RAB31: variants seen among roughly 807,000 people sequenced by gnomAD.
RAB31 encodes the protein RAB31, member RAS oncogene family, also known as ras-related protein Rab-31.
RAB31 carries 21 observed loss-of-function variants against 25.6 expected under a neutral mutation model. That is an observed-to-expected ratio of 0.82 (90% CI 0.58 to 1.18). RAB31 has a LOEUF of 1.18. Among genes scored for constraint, RAB31 ranks in the 50% most tolerant of loss-of-function variants. The probability of loss-of-function intolerance (pLI) is 0.00; values close to 1 mark genes in which losing one functional copy is unlikely to be tolerated. For synonymous variants in RAB31, 87 were observed against 84.0 expected, an observed-to-expected ratio of 1.04 and a Z score of -0.20; for missense variants, 196 against 250.1, an observed-to-expected ratio of 0.78 and a Z score of 1.46.
At chr18:9,810,447 T>A (rs1307784011) in intron 3 of RAB31, among the ~76,000 whole-genome samples, 1 of 152,234 alleles carries the variant, frequency 6.6e-6, no homozygotes, top group Non-Finnish European at 1.5e-5. Context: ...AAGTGATTTA[T>A]CTTTTTGTCC....
rs1242954701 is a variant in RAB31 at position 9,708,639 on chromosome 18, C to T, written c.39+195C>T. 6.6e-6 allele frequency among the ~76,000 whole-genome samples: 1 copy of T among 151,646 alleles called. No individual in the cohort carries two copies. Among genetic ancestry groups the T allele is most frequent in the Non-Finnish European group, 1.5e-5 (1 of 67,844 alleles). ...TCCCCTAGTCCGTGCGCCCCTCGCT[C>T]TCCGCGCCCCTCGCTCTCCGCACCC... On this transcript the variant is annotated intron_variant, in intron 1 of 6. Transcript: ENST00000578921. The surrounding 1 kb of genome is among the most constrained non-coding windows in gnomAD (Gnocchi z 6.4).
At chr18:9,712,891 G>T (rs1360168568) in intron 1 of RAB31, among the ~76,000 whole-genome samples, 1 of 152,192 alleles carries the variant, frequency 6.6e-6, no homozygotes, top group Admixed American at 6.5e-5. Flanking sequence ...CCTGCTTCTG[G>T]TAAGGAGCTT....
At chr18:9,841,741 C>A (rs966370961) in intron 5 of RAB31, among the ~76,000 whole-genome samples, 1 of 151,942 alleles carries the variant, frequency 6.6e-6, no homozygotes, top group Admixed American at 6.6e-5. Flanking sequence ...GGGGGACAGG[C>A]AGAGGGAGGG....
At chr18:9,794,991 A>G (rs2068479925) in intron 3 of RAB31, among the ~76,000 whole-genome samples, 1 of 152,218 alleles carries the variant, frequency 6.6e-6, no homozygotes, top group African/African-American at 2.4e-5. Flanking sequence ...ACCTCAAACT[A>G]TACTATAAGG....
At chr18:9,749,952 T>C (rs955991036) in intron 1 of RAB31, among the ~76,000 whole-genome samples, 8 of 152,166 alleles carry the variant, frequency 5.3e-5, no homozygotes, top group Non-Finnish European at 1.2e-4. Flanking sequence ...GTGACCTCCG[T>C]CCAGTGGGCC....
chr18:9,724,187 C>T (rs917612178), intron 1 of RAB31, among the ~76,000 whole-genome samples: 15 of 131,982 alleles, frequency 1.1e-4, no homozygotes, highest in East Asian at 2.3e-4. Flanking sequence ...AGGAGAATGG[C>T]GTGAACCCGG....
intron 2 of RAB31, among the ~76,000 whole-genome samples, chr18:9,790,194 T>A (rs1417344438): frequency 6.6e-6 from 1 of 152,148 alleles, no homozygotes; most frequent in African/African-American, 2.4e-5. Context: ...AGTGTGAATT[T>A]AAAATTTTAA....
intron 1 of RAB31, among the ~76,000 whole-genome samples, 193 bp from the exon 2 acceptor site, chr18:9,775,085 T>TG (rs2068364904): frequency 6.6e-6 from 1 of 152,224 alleles, no homozygotes; most frequent in African/African-American, 2.4e-5. Context: ...CTTTTCTTTC[T>TG]GTGAAAGCAA....
chr18:9,770,730 C>T (rs2068340288), intron 1 of RAB31, among the ~76,000 whole-genome samples: 1 of 152,150 alleles, frequency 6.6e-6, no homozygotes, highest in South Asian at 2.1e-4. Context: ...ATTTGAGCCC[C>T]TTTCATTACT....
intron 1 of RAB31, among the ~76,000 whole-genome samples, chr18:9,765,982 A>G (rs2068314042): frequency 1.3e-5 from 2 of 151,882 alleles, no homozygotes; most frequent in African/African-American, 2.4e-5. Context: ...GGAGGAGTAT[A>G]TTCTCTTCCC....
At chr18:9,842,379 T>A (rs1184835810) in intron 5 of RAB31, among the ~76,000 whole-genome samples, 1 of 152,074 alleles carries the variant, frequency 6.6e-6, no homozygotes, top group Non-Finnish European at 1.5e-5. Flanking sequence ...TCAAACTCAG[T>A]CATGGCTGAA....
intron 5 of RAB31, chr18:9,830,689 T>G (rs1400538789): frequency 6.6e-6 from 1 of 152,208 alleles, no homozygotes; most frequent in African/African-American, 2.4e-5. Context: ...ATCAATTTTT[T>G]TCTTTATGGT....
chr18:9,764,961 CT>C (rs111628952), intron 1 of RAB31, among the ~76,000 whole-genome samples: 12 of 140,594 alleles, frequency 8.5e-5, no homozygotes, highest in Admixed American at 2.2e-4. Flanking sequence ...TTCTTTCTTT[CT>C]TTTTTTTTTG....
At chr18:9,770,686 C>T (rs757766110) in intron 1 of RAB31, among the ~76,000 whole-genome samples, 2 of 152,030 alleles carry the variant, frequency 1.3e-5, no homozygotes, top group East Asian at 1.9e-4. Context: ...GAGTCAGAAT[C>T]GGGTTTATTC....
chr18:9,713,829 G>T (rs1166852905), intron 1 of RAB31, among the ~76,000 whole-genome samples: 1 of 152,162 alleles, frequency 6.6e-6, no homozygotes, highest in Non-Finnish European at 1.5e-5. Flanking sequence ...CTCGATTTCT[G>T]GTTTGCAGAC....
At chr18:9,730,489 C>T (rs771157739) in intron 1 of RAB31, among the ~76,000 whole-genome samples, 16 of 152,030 alleles carry the variant, frequency 1.1e-4, no homozygotes, top group Non-Finnish European at 2.1e-4. Flanking sequence ...AGGGTCTCAC[C>T]GTGTTAGCCA....
intron 5 of RAB31, among the ~76,000 whole-genome samples, chr18:9,841,982 T>C (rs2068736713): frequency 6.6e-6 from 1 of 152,112 alleles, no homozygotes; most frequent in South Asian, 2.1e-4. Context: ...TCATGGGGCC[T>C]AATGCAGGAG....
chr18:9,799,256 C>T (rs564118205), intron 3 of RAB31, among the ~76,000 whole-genome samples: 30 of 152,298 alleles, frequency 2.0e-4, no homozygotes, highest in Middle Eastern at 3.4e-3. Context: ...AAGAAAGCTC[C>T]GCTCAGTGCT....
chr18:9,827,010 C>G (rs1270809434), intron 5 of RAB31, among the ~76,000 whole-genome samples: 1 of 152,110 alleles, frequency 6.6e-6, no homozygotes, highest in Non-Finnish European at 1.5e-5. Context: ...TACTCCAACC[C>G]CATACATTCC....
Sources: gnomAD v4.1 joint callset for allele counts (sites outside exome capture counted in the v4.1 genomes callset) on GRCh38, gnomAD v4.1.1 for gene constraint, Gnocchi (gnomAD v3.1) non-coding constraint, MANE v1.5 for transcripts, NCBI Gene and HGNC (gene_info 2026-07-23, HGNC 2026-07-21) for gene names.